Variants in UBE2R2 observed in about 807,000 individuals in gnomAD.
UBE2R2 encodes ubiquitin conjugating enzyme E2 R2.
A neutral mutation model predicts 27.8 loss-of-function variants in UBE2R2; 1 was observed. The ratio of observed to expected loss-of-function variants is 0.04; its 90% CI spans 0.01 to 0.17. The LOEUF (loss-of-function observed/expected upper bound fraction) is 0.17. Among genes scored for constraint, UBE2R2 ranks in the 10% least tolerant of loss-of-function variants. UBE2R2 has a pLI of 1.00. For missense variants in UBE2R2, 100 were observed against 291.0 expected (o/e 0.34, Z 4.78); for synonymous variants, 106 against 113.3 (o/e 0.94, Z 0.41).
intron 1 of UBE2R2, among the ~76,000 whole-genome samples, chr9:33,858,466 A>G (rs1442637047): frequency 6.6e-6 from 1 of 152,098 alleles, no homozygotes; most frequent in Non-Finnish European, 1.5e-5. Flanking sequence ...CCATGCTGGA[A>G]TGCAGTGGCA....
chr9:33,834,076 G>A (rs984183301), intron 1 of UBE2R2, among the ~76,000 whole-genome samples: 6 of 152,008 alleles, frequency 3.9e-5, no homozygotes, highest in Admixed American at 6.6e-5. Context: ...GAATCATGCC[G>A]TTCTCTTTTG....
At chr9:33,905,540 CT>C (rs1822335649) in intron 3 of UBE2R2, among the ~76,000 whole-genome samples, 1 of 152,164 alleles carries the variant, frequency 6.6e-6, no homozygotes, top group African/African-American at 2.4e-5. Flanking sequence ...GTATTCCTAC[CT>C]TGCATTCTCA....
intron 2 of UBE2R2, among the ~76,000 whole-genome samples, chr9:33,889,773 T>A (rs1821939320): frequency 6.6e-6 from 1 of 152,190 alleles, no homozygotes; most frequent in African/African-American, 2.4e-5. Context: ...CTGCAACTTC[T>A]GCCTCCCTTC....
intron 1 of UBE2R2, among the ~76,000 whole-genome samples, chr9:33,884,129 G>T (rs952498382): frequency 1.1e-4 from 17 of 151,004 alleles, no homozygotes; most frequent in Non-Finnish European, 1.6e-4. Context: ...ACTCTGTCTA[G>T]CCTGGGTGAC....
chr9:33,900,905 A>G (rs987938789), intron 3 of UBE2R2, among the ~76,000 whole-genome samples: 8 of 147,222 alleles, frequency 5.4e-5, no homozygotes, highest in Non-Finnish European at 1.1e-4. Context: ...TTCATGGGCA[A>G]CTCCTCTCTC....
intron 1 of UBE2R2, among the ~76,000 whole-genome samples, chr9:33,845,451 T>G (rs1158500692): frequency 1.3e-5 from 2 of 151,866 alleles, no homozygotes; most frequent in African/African-American, 4.8e-5. Flanking sequence ...GGTTTCACTG[T>G]GTTAGCCAGA....
intron 1 of UBE2R2, 130 bp downstream of exon 1, chr9:33,818,064 C>G (rs1227068953): frequency 9.4e-7 from 1 of 1,063,500 alleles, no homozygotes; most frequent in Non-Finnish European, 1.3e-6. Context: ...CGTGCAGCCC[C>G]CTCCCCCATC....
intron 1 of UBE2R2, among the ~76,000 whole-genome samples, chr9:33,829,498 C>G (rs1185007560): frequency 1.3e-5 from 2 of 152,044 alleles, no homozygotes; most frequent in Admixed American, 1.3e-4. Context: ...GCAAAACATC[C>G]ATGTAACAAA....
chr9:33,857,960 C>T (rs1821146708), intron 1 of UBE2R2, among the ~76,000 whole-genome samples: 1 of 152,096 alleles, frequency 6.6e-6, no homozygotes, highest in Non-Finnish European at 1.5e-5. Flanking sequence ...TCATTTATTA[C>T]AATAAGTTAG....
rs544487607 is a variant in UBE2R2, at chr9:33,895,114, A to G, written c.265-5060A>G. ...ATTTGCAAATGTTTTCTCCCATTCT[A>G]TAGGTTGCCTTTTCACTTTCTTGAT... On this transcript the variant is annotated intron_variant, in intron 2 of 4. Transcript: ENST00000263228. Among the ~76,000 whole-genome samples the G allele has an allele frequency of 1.1e-4, 16 of 152,326 alleles. 1 individual carries two copies. Among genetic ancestry groups the G allele is most frequent in the African/African-American group, 3.1e-4 (13 of 41,570 alleles).
chr9:33,846,502 T>C (rs1304943857), intron 1 of UBE2R2, among the ~76,000 whole-genome samples: 1 of 151,762 alleles, frequency 6.6e-6, no homozygotes, highest in Non-Finnish European at 1.5e-5. Flanking sequence ...AAGTCCACTT[T>C]TCTCTCTCTC....
intron 4 of UBE2R2, among the ~76,000 whole-genome samples, chr9:33,915,129 CAAA>C (rs552572059): frequency 5.6e-5 from 6 of 107,368 alleles, no homozygotes; most frequent in African/African-American, 1.5e-4. Flanking sequence ...GACCTTGTCT[CAAA>C]AAAAAAAAAA....
chr9:33,840,492 C>T (rs986471539), intron 1 of UBE2R2, among the ~76,000 whole-genome samples: 2 of 152,154 alleles, frequency 1.3e-5, no homozygotes, highest in Non-Finnish European at 2.9e-5. Flanking sequence ...ATTGTACACT[C>T]ATGTTGCATC....
At chr9:33,867,222 C>T (rs765200928) in intron 1 of UBE2R2, among the ~76,000 whole-genome samples, 2 of 152,042 alleles carry the variant, frequency 1.3e-5, no homozygotes, top group Non-Finnish European at 2.9e-5. Context: ...TCTTTTGTGT[C>T]AGGCTTCTTT....
rs1176681887 is a variant in UBE2R2 at position 33,911,946 on chromosome 9, C to G, written c.363-18C>G. 5 of 1,604,168 alleles carry G rather than the reference C, an allele frequency of 3.1e-6. No individual in the cohort carries two copies. Among genetic ancestry groups the G allele is most frequent in the Non-Finnish European group, 4.3e-6 (5 of 1,176,184 alleles). The stretch of plus-strand genomic sequence containing the variant: ...TAAATATGGGTATTCATAGCTGATC[C>G]TTTTTTCCTGTTTCTAGGACTATCC... On this transcript the variant is annotated intron_variant, in intron 3 of 4. Transcript: ENST00000263228.
intron 3 of UBE2R2, among the ~76,000 whole-genome samples, chr9:33,904,031 C>T (rs1822300856): frequency 1.3e-5 from 2 of 152,182 alleles, no homozygotes; most frequent in South Asian, 4.1e-4. Context: ...ATGTTTTGTA[C>T]ACTTTTTGGA....
rs1304306267 is a variant in UBE2R2, at chr9:33,912,102, AG to A, written c.497+6del. The A allele has an allele frequency of 6.2e-7, 1 of 1,600,658 alleles. No homozygotes were observed. The highest frequency in any genetic ancestry group is 8.5e-7 in the Non-Finnish European group (1 of 1,174,986). ...AAGAATATGCTGAAATTATTAGGTA[AG>A]GTTTTTTTTTTTATTACCTCAAGTT... is the stretch of plus-strand genomic sequence containing the variant. On this transcript the variant is annotated splice_donor_5th_base_variant and intron_variant, in intron 4 of 4. Coordinates refer to ENST00000263228, the MANE Select transcript of UBE2R2 (RefSeq NM_017811.4).
chr9:33,914,598 G>A (rs551019189), intron 4 of UBE2R2, among the ~76,000 whole-genome samples: 46 of 152,196 alleles, frequency 3.0e-4, no homozygotes, highest in African/African-American at 7.9e-4. Context: ...ATTTTGAGGC[G>A]GGTGGATCAC....
intron 1 of UBE2R2, among the ~76,000 whole-genome samples, chr9:33,871,871 T>C (rs890708145): frequency 2.0e-5 from 3 of 152,040 alleles, no homozygotes; most frequent in Admixed American, 6.6e-5. Context: ...CCACCATGCA[T>C]GGCTAATTTT....
Sources: allele counts gnomAD v4.1 joint callset (sites outside exome capture counted in the v4.1 genomes callset), GRCh38; gene constraint gnomAD v4.1.1; transcripts MANE v1.5; gene names NCBI Gene and HGNC (gene_info 2026-07-23, HGNC 2026-07-21).